Variants in MAST4 observed in about 807,000 individuals in gnomAD.
MAST4 encodes the protein microtubule-associated serine/threonine-protein kinase 4.
A neutral mutation model predicts 162.7 loss-of-function variants in MAST4; 89 were observed. That is an observed-to-expected ratio of 0.55 (90% CI 0.46 to 0.65). The LOEUF (loss-of-function observed/expected upper bound fraction) is 0.65. Ranked by LOEUF, MAST4 falls within the 30% of genes least tolerant of loss-of-function variation. MAST4 has a pLI of 0.00. For missense variants in MAST4, 3,153 were observed against 3,374.0 expected, an observed-to-expected ratio of 0.93 and a Z score of 1.62; for synonymous variants, 1,479 against 1,361.1, an observed-to-expected ratio of 1.09 and a Z score of -1.91.
intron 1 of MAST4, among the ~76,000 whole-genome samples, chr5:66,754,796 G>A (rs1210159871): frequency 6.6e-6 from 1 of 152,196 alleles, no homozygotes; most frequent in Non-Finnish European, 1.5e-5. Flanking sequence ...AAGGAATAAA[G>A]GTTGAGCGTG....
At chr5:67,036,506 G>T (rs1008132308) in intron 4 of MAST4, among the ~76,000 whole-genome samples, 2 of 152,022 alleles carry the variant, frequency 1.3e-5, no homozygotes, top group Admixed American at 6.6e-5. Context: ...CGAGGAGTTG[G>T]TTCCAGGACC....
At chr5:66,929,033 A>G (rs1432436618) in intron 4 of MAST4, among the ~76,000 whole-genome samples, 1 of 152,162 alleles carries the variant, frequency 6.6e-6, no homozygotes, top group Non-Finnish European at 1.5e-5. Context: ...GAGGGGATTG[A>G]TTAGGGAAAT....
chr5:66,815,581 C>CT lies in MAST4; in HGVS notation c.642+26790dup, dbSNP rs567147477. On this transcript the variant is annotated intron_variant, in intron 3 of 28. Coordinates refer to ENST00000403625, the MANE Select transcript of MAST4 (RefSeq NM_001164664.2). The stretch of plus-strand genomic sequence containing the variant: ...ATCCCTGGAGTGTAAGGGGAGACTG[C>CT]TTTCCTTGTATTTCAGAAGACAAAT... 1.6e-4 allele frequency among the ~76,000 whole-genome samples: 24 copies of CT among 152,316 alleles called. No individual in the cohort carries two copies. The South Asian group carries it at 5.0e-3, about 32-fold the overall frequency.
intron 1 of MAST4, among the ~76,000 whole-genome samples, chr5:66,665,296 A>C (rs1483723953): frequency 6.6e-6 from 1 of 152,134 alleles, no homozygotes; most frequent in Non-Finnish European, 1.5e-5. Context: ...GTGGAACAAG[A>C]GAGAGTGGGG....
intron 4 of MAST4, among the ~76,000 whole-genome samples, chr5:66,993,419 G>C (rs1581132193): frequency 6.6e-6 from 1 of 152,216 alleles, no homozygotes; most frequent in African/African-American, 2.4e-5. Context: ...TTTAAGCATA[G>C]TAGGGCATTA....
intron 3 of MAST4, among the ~76,000 whole-genome samples, chr5:66,874,916 G>A (rs1761191025): frequency 6.6e-6 from 1 of 152,064 alleles, no homozygotes; most frequent in Admixed American, 6.5e-5. Context: ...GAAACCCACT[G>A]TTCACAGGGG....
At chr5:66,774,804 A>G (rs1347889431) in intron 2 of MAST4, among the ~76,000 whole-genome samples, 2 of 152,182 alleles carry the variant, frequency 1.3e-5, no homozygotes, top group Non-Finnish European at 2.9e-5. Flanking sequence ...TACATATTCA[A>G]GTTTACTTGA....
rs1224052028 is a variant in MAST4, at chr5:67,163,623, C to G, written c.4444C>G (p.Arg1482Gly). ...GGAGGTGCAGCGGGAGCAGTCCCAG[C>G]GGGAGGCGCCGCTGCAGAGCCTGGA... The part of the protein sequence containing the change: ...QEEVQREQSQ[R>G]EAPLQSLDEN... The change falls in exon 29 of 29, where the codon CGG becomes GGG. Residue 1482 changes from arginine (R) to glycine (G), a missense_variant. By Grantham distance (125) the Arg-to-Gly change is moderately radical (BLOSUM62 -2). Transcript: ENST00000403625. This position sits in a 1 kb window ranked among gnomAD's most constrained non-coding sequence, Gnocchi z 7.0. 6.9e-6 allele frequency: 11 copies of G among 1,603,716 alleles called. No homozygotes were observed. The highest frequency in any genetic ancestry group is 3.4e-5 in the Admixed American group (2 of 58,476).
At chr5:66,882,724 G>A (rs1041433670) in intron 3 of MAST4, among the ~76,000 whole-genome samples, 41 of 151,970 alleles carry the variant, frequency 2.7e-4, no homozygotes, top group African/African-American at 9.7e-4. Context: ...CTGTATCTGT[G>A]TGTCTTCTCT....
chr5:66,772,810 A>G (rs925994465), intron 2 of MAST4, among the ~76,000 whole-genome samples: 8 of 152,152 alleles, frequency 5.3e-5, no homozygotes, highest in Non-Finnish European at 1.0e-4. Flanking sequence ...AAGTGAGTGC[A>G]TTGGATCCTA....
chr5:66,795,490 G>A (rs983288919), intron 3 of MAST4, among the ~76,000 whole-genome samples: 28 of 152,128 alleles, frequency 1.8e-4, no homozygotes, highest in Non-Finnish European at 3.2e-4. Context: ...TAGGAATGCC[G>A]TACAAATTTA....
At chr5:67,142,563 G>C in intron 21 of MAST4, 30 bp downstream of exon 21, 2 of 1,393,268 alleles carry the variant, frequency 1.4e-6, no homozygotes, top group Non-Finnish European at 2.0e-6. Context: ...AACATACAGA[G>C]TCTCTCTGGG....
At chr5:66,992,466 C>A (rs1379050202) in intron 4 of MAST4, among the ~76,000 whole-genome samples, 1 of 138,348 alleles carries the variant, frequency 7.2e-6, no homozygotes, top group African/African-American at 2.8e-5. Context: ...ACTCAGACTT[C>A]CGAAGTCATG....
At chr5:66,676,206 G>C (rs193054824) in intron 1 of MAST4, among the ~76,000 whole-genome samples, 6 of 152,336 alleles carry the variant, frequency 3.9e-5, no homozygotes, top group Admixed American at 3.9e-4. Context: ...ATACAGGCAA[G>C]TGTCTGGAAG....
At position 67,136,678 on chromosome 5, in the gene MAST4, T is replaced by A; in HGVS notation, c.2494+14T>A. On this transcript the variant is annotated intron_variant, in intron 19 of 28. Coordinates refer to ENST00000403625, the MANE Select transcript of MAST4 (RefSeq NM_001164664.2). ...GGCTGGGAACAGGTTAGAGCCCATG[T>A]GTTTTAATTTTGCTAATATGCAAGA... The A allele has an allele frequency of 1.9e-6, 3 of 1,567,266 alleles. No individual in the cohort carries two copies. Among genetic ancestry groups the A allele is most frequent in the Non-Finnish European group, 2.6e-6 (3 of 1,151,432 alleles).
chr5:67,162,111 A>T (rs1339183233), intron 27 of MAST4, among the ~76,000 whole-genome samples: 1 of 152,190 alleles, frequency 6.6e-6, no homozygotes, highest in Non-Finnish European at 1.5e-5. Context: ...GTTGTTAGGA[A>T]TATTCAAGAG....
At chr5:67,081,002 TAA>T (rs1303911237) in intron 5 of MAST4, among the ~76,000 whole-genome samples, 2 of 132,050 alleles carry the variant, frequency 1.5e-5, no homozygotes, top group East Asian at 2.0e-4. Flanking sequence ...ATATATTATA[TAA>T]TATAATATAT....
chr5:66,690,548 A>G (rs1323236031), intron 1 of MAST4, among the ~76,000 whole-genome samples: 2 of 152,216 alleles, frequency 1.3e-5, no homozygotes, highest in Admixed American at 6.5e-5. Flanking sequence ...CTTCAAATAC[A>G]AGAATGTTCT....
chr5:66,607,989 A>C (rs1402005569), intron 1 of MAST4, among the ~76,000 whole-genome samples: 2 of 152,122 alleles, frequency 1.3e-5, no homozygotes, highest in Admixed American at 6.5e-5. Context: ...CGATGTTCTG[A>C]TATGTATATA....
Sources: gnomAD v4.1 joint callset for allele counts (sites outside exome capture counted in the v4.1 genomes callset) on GRCh38, gnomAD v4.1.1 for gene constraint, Gnocchi (gnomAD v3.1) non-coding constraint, MANE v1.5 for transcripts, NCBI Gene and HGNC (gene_info 2026-07-23, HGNC 2026-07-21) for gene names.